Variants in USP45 observed in about 807,000 individuals in gnomAD.
The protein encoded by USP45 is ubiquitin specific peptidase 45, also known as ubiquitin carboxyl-terminal hydrolase 45.
In USP45, 89 loss-of-function variants were observed where a neutral mutation model predicts 95.8. The observed-to-expected ratio is 0.93, with a 90% CI of 0.78 to 1.11. The LOEUF (loss-of-function observed/expected upper bound fraction) is 1.11, where lower values mean the gene tolerates loss of function less well. Among genes scored for constraint, USP45 ranks in the 50% least tolerant of loss-of-function variants. The pLI is 0.00. For synonymous variants in USP45, 281 were observed against 316.2 expected (o/e 0.89, Z 1.18); for missense variants, 898 against 942.5 (o/e 0.95, Z 0.62).
At chr6:99,456,371 TTC>T (rs1785098204) in intron 13 of USP45, among the ~76,000 whole-genome samples, 1 of 152,104 alleles carries the variant, frequency 6.6e-6, no homozygotes, top group African/African-American at 2.4e-5. Context: ...ATCTGAAATG[TTC>T]TCAATGCAAA....
chr6:99,435,611 T>C lies in USP45; in HGVS notation c.*105A>G, dbSNP rs1582911425. On this transcript the variant is annotated 3_prime_UTR_variant, in exon 18 of 18. Coordinates refer to ENST00000500704, the MANE Select transcript of USP45 (RefSeq NM_001346022.3). ...AAAGTTCAGGACCATTTGAGGAACA[T>C]GCTATTCCTACAGAAGAGGGAAGAC... is the stretch of plus-strand genomic sequence containing the variant. 1.0e-6 allele frequency: 1 copy of C among 969,072 alleles called. No homozygotes were observed. The highest frequency in any genetic ancestry group is 1.4e-6 in the Non-Finnish European group (1 of 690,126). The allele number at this position is 969,072 out of a possible 1,614,324, so 60.0% of individuals were successfully genotyped here.
chr6:99,476,271 T>C, intron 8 of USP45, 41 bp from the exon 9 acceptor site: 2 of 1,569,334 alleles, frequency 1.3e-6, no homozygotes, highest in Non-Finnish European at 1.8e-6. Flanking sequence ...AAAAGAATAA[T>C]CATTCCATGG....
At chr6:99,476,383 A>G (rs1175807818) in intron 8 of USP45, among the ~76,000 whole-genome samples, 153 bp from the exon 9 acceptor site, 2 of 152,232 alleles carry the variant, frequency 1.3e-5, no homozygotes, top group Non-Finnish European at 2.9e-5. Context: ...CAAGGGGCAG[A>G]TCACTTGAGC....
Position 99,464,687 on chromosome 6 carries a change from G to A in USP45, c.1225C>T (p.His409Tyr), listed in dbSNP as rs771501188. Reference sequence around the variant, plus strand: ...GTAACATTGCCACTGTATCGATCATGATCTGTCTCCCGTAAACTTCTATAT... The same window carrying A: ...GTAACATTGCCACTGTATCGATCATAATCTGTCTCCCGTAAACTTCTATAT... ...NKYRSLRETD[H>Y]DRYSGNVTIE... Residue 409 changes from histidine (H) to tyrosine (Y), a missense_variant, in exon 13 of 18, where the codon CAT (histidine) becomes TAT (tyrosine). By Grantham distance (83) the His-to-Tyr change is moderately conservative. Transcript: ENST00000500704. 1 of 1,612,876 alleles carries A rather than the reference G, an allele frequency of 6.2e-7. No individual in the cohort carries two copies. Among genetic ancestry groups the A allele is most frequent in the South Asian group, 1.1e-5 (1 of 91,026 alleles).
chr6:99,440,971 G>T (rs576913173), intron 15 of USP45, among the ~76,000 whole-genome samples: 29 of 152,158 alleles, frequency 1.9e-4, no homozygotes, highest in African/African-American at 4.1e-4. Flanking sequence ...AATATAAGAT[G>T]AATCTTTTTT....
Position 99,435,049 on chromosome 6 carries a change from T to C in USP45, c.*667A>G, listed in dbSNP as rs965796083. The C allele has an allele frequency of 3.9e-4, 59 of 152,730 alleles. No individual in the cohort carries two copies. Among genetic ancestry groups the C allele is most frequent in the African/African-American group, 1.4e-3 (59 of 41,566 alleles). 9.5% of individuals were successfully genotyped at this position (152,730 alleles called of 1,614,324 possible). ...AGTGACACCCTTTTATATGGTTGAATTGTATAAAATATGACCAGGGAACTA... is the reference window on the plus strand; with the variant it reads ...AGTGACACCCTTTTATATGGTTGAACTGTATAAAATATGACCAGGGAACTA... On this transcript the variant is annotated 3_prime_UTR_variant, in exon 18 of 18. Coordinates refer to ENST00000500704, the MANE Select transcript of USP45 (RefSeq NM_001346022.3).
At chr6:99,503,291 AC>A (rs1323698051) in intron 5 of USP45, among the ~76,000 whole-genome samples, 1 of 152,026 alleles carries the variant, frequency 6.6e-6, no homozygotes, top group Non-Finnish European at 1.5e-5. Flanking sequence ...TAAACGTATA[AC>A]AAGGTGGCCA....
Position 99,493,487 on chromosome 6 carries a change from G to GGTAT in USP45, c.479-4671_479-4668dup, listed in dbSNP as rs376097232. 1.3e-3 allele frequency among the ~76,000 whole-genome samples: 193 copies of GGTAT among 152,076 alleles called. 1 individual carries two copies. The highest frequency in any genetic ancestry group is 4.3e-3 in the African/African-American group (177 of 41,486). ...GTCTCAATTACTTGACATTCATGCA[G>GGTAT]GTATGTATGTATGTATGTATGTATT... On this transcript the variant is annotated intron_variant, in intron 5 of 17. Transcript: ENST00000500704.
intron 13 of USP45, among the ~76,000 whole-genome samples, chr6:99,450,458 C>T (rs1165793282): frequency 6.6e-6 from 1 of 152,308 alleles, no homozygotes; most frequent in African/African-American, 2.4e-5. Context: ...TTCCTCCACA[C>T]ATACACCCTC....
At chr6:99,486,131 CA>C (rs1235636524) in intron 7 of USP45, among the ~76,000 whole-genome samples, 2 of 151,756 alleles carry the variant, frequency 1.3e-5, no homozygotes, top group African/African-American at 2.4e-5. Context: ...TGAGCCAGCA[CA>C]ATAAGGTAAA....
intron 6 of USP45, among the ~76,000 whole-genome samples, 172 bp from the exon 7 acceptor site, chr6:99,488,467 A>C (rs559997293): frequency 6.6e-6 from 1 of 152,336 alleles, no homozygotes; most frequent in South Asian, 2.1e-4. Flanking sequence ...CGATAGAGCC[A>C]TGGTAAAATA....
intron 8 of USP45, among the ~76,000 whole-genome samples, chr6:99,478,945 A>G (rs538409214): frequency 6.6e-6 from 1 of 152,190 alleles, no homozygotes; most frequent in Non-Finnish European, 1.5e-5. Flanking sequence ...AGATAAAAAA[A>G]GAGTACACCC....
At chr6:99,506,210 T>A (rs945834345) in intron 4 of USP45, among the ~76,000 whole-genome samples, 1 of 152,012 alleles carries the variant, frequency 6.6e-6, no homozygotes, top group African/African-American at 2.4e-5. Context: ...CCCTTAGGAG[T>A]CCATAGATTC....
At chr6:99,468,055 T>C (rs538243494) in intron 10 of USP45, 50 of 425,602 alleles carry the variant, frequency 1.2e-4, no homozygotes, top group African/African-American at 9.8e-4. Context: ...TATGGATGAA[T>C]AGCAAACACT....
chr6:99,462,257 T>C (rs1786646073), intron 13 of USP45: 3 of 984,102 alleles, frequency 3.0e-6, no homozygotes, highest in South Asian at 4.7e-5. Flanking sequence ...GCACAAGTTA[T>C]ATCCATGTGG....
chr6:99,450,786 T>G (rs1783682000), intron 13 of USP45, among the ~76,000 whole-genome samples: 1 of 152,164 alleles, frequency 6.6e-6, no homozygotes, highest in Non-Finnish European at 1.5e-5. Flanking sequence ...AAATCCTCAA[T>G]AAAATACTGG....
intron 11 of USP45, 91 bp from the exon 12 acceptor site, chr6:99,465,227 A>G: frequency 9.2e-7 from 1 of 1,086,350 alleles, no homozygotes; most frequent in Non-Finnish European, 1.3e-6. Flanking sequence ...CTTCCCGGGC[A>G]ACCTAAAATT....
chr6:99,472,436 G>A (rs911146359), intron 9 of USP45, among the ~76,000 whole-genome samples: 3 of 151,856 alleles, frequency 2.0e-5, no homozygotes, highest in African/African-American at 4.8e-5. Context: ...AGCTGGTCTC[G>A]AACTCCTGAC....
intron 16 of USP45, 143 bp downstream of exon 16, chr6:99,439,626 A>G (rs912494055): frequency 7.9e-6 from 4 of 507,678 alleles, no homozygotes; most frequent in Non-Finnish European, 1.3e-5. Flanking sequence ...AGTGTTCCAC[A>G]TATTACTGAC....
Sources: gnomAD v4.1 joint callset for allele counts (sites outside exome capture counted in the v4.1 genomes callset) on GRCh38, gnomAD v4.1.1 for gene constraint, MANE v1.5 for transcripts, NCBI Gene and HGNC (gene_info 2026-07-23, HGNC 2026-07-21) for gene names.